The following SYNE1 variants were observed in gnomAD, a reference collection of about 807,000 sequenced individuals.
SYNE1 encodes the protein spectrin repeat containing nuclear envelope protein 1.
SYNE1 carries 616 observed loss-of-function variants against 1,111.0 expected under a neutral mutation model. That is an observed-to-expected ratio of 0.55 (90% confidence interval 0.52 to 0.59). SYNE1 has a LOEUF of 0.59. Ranked by LOEUF, SYNE1 falls within the 20% of genes least tolerant of loss-of-function variation. The pLI is 0.00. For missense variants in SYNE1, 10,006 were observed against 10,417.0 expected (o/e 0.96, Z 1.72); for synonymous variants, 3,855 against 3,825.8 (o/e 1.01, Z -0.28).
intron 3 of SYNE1, among the ~76,000 whole-genome samples, chr6:152,558,100 CA>C (rs2099378134): frequency 6.6e-6 from 1 of 151,982 alleles, no homozygotes; most frequent in Non-Finnish European, 1.5e-5. Context: ...TTTTTGTTTG[CA>C]GTCAAAGTTA....
chr6:152,433,733 T>C, intron 34 of SYNE1, 62 bp downstream of exon 34: 1 of 1,588,968 alleles, frequency 6.3e-7, no homozygotes, highest in Admixed American at 1.7e-5. Context: ...TTTGATGAAA[T>C]GTAAGAAAGT....
chr6:152,514,642 A>C (rs1472942890), intron 6 of SYNE1, among the ~76,000 whole-genome samples: 1 of 151,456 alleles, frequency 6.6e-6, no homozygotes, highest in Non-Finnish European at 1.5e-5. Context: ...AAATAATAAA[A>C]AAAAACAATG....
intron 3 of SYNE1, among the ~76,000 whole-genome samples, chr6:152,591,596 G>A (rs2099566325): frequency 6.6e-6 from 1 of 152,070 alleles, no homozygotes; most frequent in Non-Finnish European, 1.5e-5. Context: ...CAACATTGGT[G>A]CTGGAAAAGA....
intron 55 of SYNE1, among the ~76,000 whole-genome samples, chr6:152,383,651 C>A (rs1194895716): frequency 6.6e-6 from 1 of 152,154 alleles, no homozygotes; most frequent in Non-Finnish European, 1.5e-5. Flanking sequence ...TGGTAGTACC[C>A]AGCTTTTGGT....
At chr6:152,576,258 C>T (rs2099496061) in intron 3 of SYNE1, among the ~76,000 whole-genome samples, 1 of 152,174 alleles carries the variant, frequency 6.6e-6, no homozygotes, top group South Asian at 2.1e-4. Flanking sequence ...GGTCCAACTA[C>T]AGATTGGGAA....
rs2059349130 is a variant in SYNE1 at position 152,145,655 on chromosome 6, T to C, written c.24977-1890A>G. The stretch of plus-strand genomic sequence containing the variant: ...TCCTAGGGGAAAAAAAGGAAGTCAG[T>C]TATTCTAGACACATAGCTCCTGAGC... On this transcript the variant is annotated intron_variant, in intron 137 of 145. Coordinates refer to ENST00000367255, the MANE Select transcript of SYNE1 (RefSeq NM_182961.4). 10 of 1,082,356 alleles carry C rather than the reference T, an allele frequency of 9.2e-6. No homozygotes were observed. The Admixed American group carries it at 1.8e-4, about 19-fold the overall frequency. The allele number at this position is 1,082,356 out of a possible 1,614,324, so 67.0% of individuals were successfully genotyped here.
At chr6:152,354,323 A>G (rs1382514854) in intron 67 of SYNE1, among the ~76,000 whole-genome samples, 2 of 152,248 alleles carry the variant, frequency 1.3e-5, no homozygotes, top group African/African-American at 4.8e-5. Context: ...ATTCTCAAGT[A>G]CTATTTCAAT....
chr6:152,607,752 T>C (rs2099620019), intron 3 of SYNE1, among the ~76,000 whole-genome samples: 1 of 152,216 alleles, frequency 6.6e-6, no homozygotes, highest in African/African-American at 2.4e-5. Flanking sequence ...ATTGCAGCAC[T>C]ATTTACAATA....
At chr6:152,481,790 C>T (rs758357640) in intron 14 of SYNE1, among the ~76,000 whole-genome samples, 1 of 150,424 alleles carries the variant, frequency 6.6e-6, no homozygotes, top group African/African-American at 2.4e-5. Context: ...GACTTGATCT[C>T]GTATGAGGCC....
At chr6:152,195,647 CCAAA>C (rs2073911138) in intron 127 of SYNE1, among the ~76,000 whole-genome samples, 1 of 152,186 alleles carries the variant, frequency 6.6e-6, no homozygotes, top group African/African-American at 2.4e-5. Flanking sequence ...TTATTTTCTC[CCAAA>C]CAAACAGCGT....
At chr6:152,379,122 C>T (rs1375381344) in intron 56 of SYNE1, among the ~76,000 whole-genome samples, 2 of 152,124 alleles carry the variant, frequency 1.3e-5, no homozygotes, top group Non-Finnish European at 1.5e-5. Flanking sequence ...AAGTCAGTTA[C>T]TTATGAATGG....
Position 152,133,383 on chromosome 6 carries a change from T to C in SYNE1, c.25894A>G (p.Lys8632Glu). 6.2e-7 allele frequency: 1 copy of C among 1,614,236 alleles called. No homozygotes were observed. The highest frequency in any genetic ancestry group is 8.5e-7 in the Non-Finnish European group (1 of 1,180,036). The change falls in exon 143 of 146, where the codon AAA becomes GAA. Residue 8632 changes from lysine (K) to glutamate (E), a missense_variant. By Grantham distance (56) the Lys-to-Glu change is moderately conservative. Around this residue, in one of 7 missense-constraint regions of SYNE1, gnomAD observed 761 missense variants for 795.5 expected, o/e 0.96. Transcript: ENST00000367255. ...TTTCCAATAACATGGACTTTTTCTT[T>C]GGCTTCTAAACAGTCTGTTCCTTCA... Reference protein sequence around the residue: ...NAEGTDCLEAKEKVHVIGNRL... With the variant: ...NAEGTDCLEAEEKVHVIGNRL...
At chr6:152,240,339 T>C (rs2085302477) in intron 107 of SYNE1, among the ~76,000 whole-genome samples, 1 of 152,202 alleles carries the variant, frequency 6.6e-6, no homozygotes, top group South Asian at 2.1e-4. Context: ...CTTTCCTTCC[T>C]CCATGGCTGG....
At chr6:152,338,800 T>C (rs531961989) in intron 75 of SYNE1, among the ~76,000 whole-genome samples, 5 of 152,260 alleles carry the variant, frequency 3.3e-5, no homozygotes, top group African/African-American at 1.2e-4. Context: ...CACCACACTT[T>C]ACCAATGAAC....
intron 55 of SYNE1, 96 bp from the exon 56 acceptor site, chr6:152,381,458 G>T: frequency 7.6e-7 from 1 of 1,308,888 alleles, no homozygotes; most frequent in Non-Finnish European, 1.1e-6. Context: ...GTCCTGCCAG[G>T]AAGTTTTAAC....
intron 32 of SYNE1, among the ~76,000 whole-genome samples, chr6:152,438,122 C>T (rs2098491642): frequency 6.6e-6 from 1 of 152,124 alleles, no homozygotes; most frequent in African/African-American, 2.4e-5. Context: ...TTATAGTACA[C>T]TAAAATATGG....
At chr6:152,378,291 A>G (rs2097332535) in intron 56 of SYNE1, among the ~76,000 whole-genome samples, 1 of 152,166 alleles carries the variant, frequency 6.6e-6, no homozygotes, top group Non-Finnish European at 1.5e-5. Flanking sequence ...ATTGTCTGAT[A>G]TTTGTCAAGA....
At chr6:152,425,902 G>A (rs1415508368) in intron 38 of SYNE1, among the ~76,000 whole-genome samples, 1 of 152,202 alleles carries the variant, frequency 6.6e-6, no homozygotes, top group African/African-American at 2.4e-5. Flanking sequence ...ACGATGAAGA[G>A]ACTGAGTAGG....
intron 77 of SYNE1, among the ~76,000 whole-genome samples, chr6:152,332,822 T>C (rs967876): frequency 1.3e-5 from 2 of 152,196 alleles, no homozygotes; most frequent in Non-Finnish European, 2.9e-5. Context: ...AAATGGAATA[T>C]TGTAGTCTTT....
Sources: gnomAD v4.1 joint callset for allele counts (sites outside exome capture counted in the v4.1 genomes callset) on GRCh38, gnomAD v4.1.1 for gene constraint, gnomAD v4.1.1 regional missense constraint, MANE v1.5 for transcripts, NCBI Gene and HGNC (gene_info 2026-07-23, HGNC 2026-07-21) for gene names.